CCDC60: variants seen among roughly 807,000 people sequenced by gnomAD.
CCDC60 encodes coiled-coil domain-containing protein 60.
In CCDC60, 54 loss-of-function variants were observed where a neutral mutation model predicts 63.5. The ratio of observed to expected loss-of-function variants is 0.85; its 90% CI spans 0.68 to 1.07. The LOEUF (loss-of-function observed/expected upper bound fraction) is 1.07, where lower values mean the gene tolerates loss of function less well. CCDC60 is among the 50% of genes least tolerant of loss of function. CCDC60 has a pLI of 0.00. For missense variants in CCDC60, 651 were observed against 684.3 expected, an observed-to-expected ratio of 0.95 and a Z score of 0.54; for synonymous variants, 206 against 238.8, an observed-to-expected ratio of 0.86 and a Z score of 1.27.
In CCDC60 at chr12:119,456,060, A is replaced by C. The variant is rs55748394; in HGVS notation, c.171-15934A>C. On this transcript the variant is annotated intron_variant, in intron 2 of 13. Coordinates refer to ENST00000327554, the MANE Select transcript of CCDC60 (RefSeq NM_178499.5). The surrounding 1 kb of genome is among the most constrained non-coding windows in gnomAD (Gnocchi z 4.6). ...GAAAGAAAGAAAGAAAGAAAGAAAGAAAGCAAGCAAGCATGTGCAATTTCA... is the reference window on the plus strand; with the variant it reads ...GAAAGAAAGAAAGAAAGAAAGAAAGCAAGCAAGCAAGCATGTGCAATTTCA... 0.17 allele frequency among the ~76,000 whole-genome samples: 20,368 copies of C among 118,532 alleles called. 2,095 individuals carry two copies. Among genetic ancestry groups the C allele is most frequent in the Admixed American group, 0.21 (2,440 of 11,354 alleles). 77.8% of individuals were successfully genotyped at this position (118,532 alleles called of 152,430 possible).
intron 2 of CCDC60, among the ~76,000 whole-genome samples, chr12:119,435,511 AC>A (rs1193038166): frequency 6.6e-6 from 1 of 152,192 alleles, no homozygotes; most frequent in African/African-American, 2.4e-5. Flanking sequence ...ATGTTGCCCT[AC>A]AAAAGAATTA....
At chr12:119,528,842 A>G in intron 12 of CCDC60, 96 bp downstream of exon 12, 1 of 1,309,158 alleles carries the variant, frequency 7.6e-7, no homozygotes, top group Non-Finnish European at 1.0e-6. Flanking sequence ...TTCAAGGCAT[A>G]GAGAGGCATT....
rs1372759585 is a variant in CCDC60 at position 119,505,187 on chromosome 12, C to T, written c.767C>T (p.Ser256Phe). The T allele has an allele frequency of 1.2e-6, 2 of 1,614,150 alleles. No homozygotes were observed. Among genetic ancestry groups the T allele is most frequent in the Non-Finnish European group, 1.7e-6 (2 of 1,180,040 alleles). Residue 256 changes from serine (S) to phenylalanine (F), a missense_variant, in exon 7 of 14, where the codon TCT (serine) becomes TTT (phenylalanine). Coordinates refer to ENST00000327554, the MANE Select transcript of CCDC60 (RefSeq NM_178499.5). ...GGSSPQSSMISVNPGSDEPPS... is the reference protein window; with the variant it reads ...GGSSPQSSMIFVNPGSDEPPS... The stretch of plus-strand genomic sequence containing the variant: ...TCCTCTCCCCAGAGCAGCATGATCT[C>T]TGTGAACCCTGGCTCGGATGAGCCC...
At chr12:119,398,476 A>G (rs905053885) in intron 1 of CCDC60, among the ~76,000 whole-genome samples, 21 of 152,246 alleles carry the variant, frequency 1.4e-4, no homozygotes, top group African/African-American at 5.1e-4. Context: ...CAGCCCTGAG[A>G]GGGGCTCCCA....
In CCDC60 at chr12:119,507,591, C is replaced by CATAT. The variant is rs57668490; in HGVS notation, c.883+2309_883+2312dup. ...ATATGTATATATACACATATATATA[C>CATAT]ATATATATATATATATATATATATT... is the stretch of plus-strand genomic sequence containing the variant. On this transcript the variant is annotated intron_variant, in intron 7 of 13. Transcript: ENST00000327554. 5.0e-3 allele frequency among the ~76,000 whole-genome samples: 116 copies of CATAT among 23,016 alleles called. 4 individuals carry two copies. The highest frequency in any genetic ancestry group is 8.4e-3 in the Admixed American group (14 of 1,666). The allele number at this position is 23,016 out of a possible 152,430, so 15.1% of individuals were successfully genotyped here. A position where few individuals can be genotyped will look rare whatever the true frequency, so the allele number is the denominator to read the frequency against.
intron 13 of CCDC60, among the ~76,000 whole-genome samples, chr12:119,540,397 G>A (rs1261924947): frequency 6.6e-6 from 1 of 152,116 alleles, no homozygotes; most frequent in East Asian, 1.9e-4. Context: ...AACAAGAAGG[G>A]GCTTAACATT....
At chr12:119,481,693 C>A (rs747339957) in intron 4 of CCDC60, among the ~76,000 whole-genome samples, 3 of 151,884 alleles carry the variant, frequency 2.0e-5, no homozygotes. Flanking sequence ...GATTTTGGTG[C>A]ACCCATCACC....
At chr12:119,479,431 A>G (rs1456153689) in intron 4 of CCDC60, 3 of 513,466 alleles carry the variant, frequency 5.8e-6, no homozygotes, top group Non-Finnish European at 1.1e-5. Flanking sequence ...ATTTCTTGCC[A>G]AGCCAGACGC....
At position 119,422,874 on chromosome 12, in the gene CCDC60, G is replaced by T. The variant is rs191847331; in HGVS notation, c.91-5809G>T. 8.0e-4 allele frequency among the ~76,000 whole-genome samples: 122 copies of T among 151,922 alleles called. 1 individual carries two copies. The highest frequency in any genetic ancestry group is 2.9e-3 in the African/African-American group (119 of 41,408). Reference sequence around the variant, plus strand: ...CCATTTTAATGGCAAATGAATTTTCGGCATTCATTCAATGGCAAGTGAATT... The same window carrying T: ...CCATTTTAATGGCAAATGAATTTTCTGCATTCATTCAATGGCAAGTGAATT... On this transcript the variant is annotated intron_variant, in intron 1 of 13. Coordinates refer to ENST00000327554, the MANE Select transcript of CCDC60 (RefSeq NM_178499.5).
Position 119,403,862 on chromosome 12 carries a change from G to A in CCDC60, c.91-24821G>A, listed in dbSNP as rs368547136. Among the ~76,000 whole-genome samples the A allele has an allele frequency of 1.4e-4, 22 of 152,264 alleles. 1 individual carries two copies. The East Asian group carries it at 3.7e-3, about 25-fold the overall frequency. On this transcript the variant is annotated intron_variant, in intron 1 of 13. Transcript: ENST00000327554. ...TTTTTCAATTGAAAAATGAAAAATT[G>A]TATATATTTATGGCATACAACGTGA...
intron 1 of CCDC60, among the ~76,000 whole-genome samples, chr12:119,418,382 C>CTTTT (rs1202154024): frequency 3.3e-5 from 2 of 60,726 alleles, no homozygotes; most frequent in Non-Finnish European, 7.4e-5. Flanking sequence ...CCTTTTCTTT[C>CTTTT]TTTCTTTTTT....
At chr12:119,494,135 T>C (rs1391357871) in intron 5 of CCDC60, among the ~76,000 whole-genome samples, 2 of 152,222 alleles carry the variant, frequency 1.3e-5, no homozygotes, top group African/African-American at 2.4e-5. Flanking sequence ...TTATTCTTAT[T>C]AGAGACCAAA....
At chr12:119,370,248 A>G (rs146515716) in intron 1 of CCDC60, among the ~76,000 whole-genome samples, 68 of 152,364 alleles carry the variant, frequency 4.5e-4, no homozygotes, top group African/African-American at 1.6e-3. Flanking sequence ...AGCATATCAA[A>G]TATAATCATG....
At chr12:119,513,440 T>C (rs1444333471) in intron 7 of CCDC60, among the ~76,000 whole-genome samples, 7 of 152,218 alleles carry the variant, frequency 4.6e-5, no homozygotes, top group Admixed American at 4.6e-4. Flanking sequence ...TCTCCTTTTC[T>C]GGTGGGTGCT....
At position 119,350,336 on chromosome 12, in the gene CCDC60, TA is replaced by T. The variant is rs973981989; in HGVS notation, c.90+15071del. ...CCTCAGCCTCCCAAGTAGCTGGGAT[TA>T]TAGGCGCATACCACAACACCCAGCT... On this transcript the variant is annotated intron_variant, in intron 1 of 13. Transcript: ENST00000327554. Among the ~76,000 whole-genome samples, 121 of 152,266 alleles carry T rather than the reference TA, an allele frequency of 7.9e-4. 1 individual carries two copies. The highest frequency in any genetic ancestry group is 3.4e-3 in the Middle Eastern group (1 of 294).
At chr12:119,440,063 G>C (rs1472213161) in intron 2 of CCDC60, among the ~76,000 whole-genome samples, 5 of 152,136 alleles carry the variant, frequency 3.3e-5, no homozygotes, top group African/African-American at 1.2e-4. Context: ...GGCCTGTCGG[G>C]GGGTGGGGGG....
chr12:119,438,637 G>A (rs1022000521), intron 2 of CCDC60, among the ~76,000 whole-genome samples: 1 of 152,204 alleles, frequency 6.6e-6, no homozygotes. Flanking sequence ...AGAACAATAT[G>A]GATGAGGAAT....
intron 2 of CCDC60, chr12:119,447,668 C>T (rs1950565832): frequency 2.0e-5 from 3 of 152,172 alleles, no homozygotes; most frequent in Admixed American, 2.0e-4. Flanking sequence ...TCGAAAAAAA[C>T]ATATTGAACC....
intron 1 of CCDC60, among the ~76,000 whole-genome samples, chr12:119,397,165 G>A (rs1457444733): frequency 6.6e-6 from 1 of 152,176 alleles, no homozygotes; most frequent in African/African-American, 2.4e-5. Context: ...CCTTCATGGT[G>A]AGCATTACAG....
Sources: gnomAD v4.1 joint callset for allele counts (sites outside exome capture counted in the v4.1 genomes callset) on GRCh38, gnomAD v4.1.1 for gene constraint, Gnocchi (gnomAD v3.1) non-coding constraint, MANE v1.5 for transcripts, NCBI Gene and HGNC (gene_info 2026-07-23, HGNC 2026-07-21) for gene names.